Variants in PSME3IP1 observed in about 807,000 individuals in gnomAD.
PSME3IP1 encodes PSME3-interacting protein.
Under a neutral mutation model 34.1 loss-of-function variants are expected in PSME3IP1, and 13 were observed. The ratio of observed to expected loss-of-function variants is 0.38; its 90% CI spans 0.25 to 0.61. The LOEUF is 0.61. PSME3IP1 is among the 20% of genes least tolerant of loss of function. PSME3IP1 has a pLI of 0.60. For missense variants in PSME3IP1, 237 were observed against 301.4 expected (o/e 0.79, Z 1.58); for synonymous variants, 93 against 114.3 (o/e 0.81, Z 1.19).
rs2072011443 is a variant in PSME3IP1, at chr16:57,167,341, C to T, written c.349-115G>A. On this transcript the variant is annotated intron_variant, in intron 4 of 6. Coordinates refer to ENST00000309137, the MANE Select transcript of PSME3IP1 (RefSeq NM_024946.4). ...CCTACTTATTTAAATAAATGCCCCA[C>T]CCTTCTTTATTCTGCCAGTCAAATC... 2.6e-6 allele frequency: 3 copies of T among 1,166,246 alleles called. 1 individual carries two copies. In the South Asian group the frequency reaches 3.9e-5, roughly 15 times the overall value. 72.2% of individuals were successfully genotyped at this position (1,166,246 alleles called of 1,614,324 possible).
At chr16:57,175,133 G>A (rs755955297) in intron 1 of PSME3IP1, among the ~76,000 whole-genome samples, 9 of 151,182 alleles carry the variant, frequency 6.0e-5, no homozygotes, top group Admixed American at 2.0e-4. Flanking sequence ...TCCTGCCTCC[G>A]CCTCCTGACT....
At chr16:57,155,982 C>A (rs969421764) in intron 6 of PSME3IP1, among the ~76,000 whole-genome samples, 2 of 151,730 alleles carry the variant, frequency 1.3e-5, no homozygotes, top group African/African-American at 4.8e-5. Context: ...AAAACAAACA[C>A]ACAAACAAAC....
At chr16:57,168,483 A>C (rs1367878422) in intron 4 of PSME3IP1, among the ~76,000 whole-genome samples, 1 of 137,652 alleles carries the variant, frequency 7.3e-6, no homozygotes, top group Non-Finnish European at 1.6e-5. Flanking sequence ...GAAATAGATA[A>C]TGTTAATACT....
At chr16:57,155,984 C>G (rs2070477028) in intron 6 of PSME3IP1, among the ~76,000 whole-genome samples, 1 of 151,688 alleles carries the variant, frequency 6.6e-6, no homozygotes, top group African/African-American at 2.4e-5. Flanking sequence ...AACAAACACA[C>G]AAACAAACAA....
chr16:57,165,618 A>G (rs2071778378), intron 5 of PSME3IP1, among the ~76,000 whole-genome samples: 1 of 152,196 alleles, frequency 6.6e-6, no homozygotes, highest in Non-Finnish European at 1.5e-5. Context: ...CCCAGACTTC[A>G]CTTCAAACTT....
Position 57,153,105 on chromosome 16 carries a change from G to A in PSME3IP1, c.*1185C>T, listed in dbSNP as rs192701402. The A allele has an allele frequency of 6.6e-6, 1 of 152,670 alleles. No individual in the cohort carries two copies. The highest frequency in any genetic ancestry group is 6.5e-5 in the Admixed American group (1 of 15,284). The allele number at this position is 152,670 out of a possible 1,614,324, so 9.5% of individuals were successfully genotyped here. On this transcript the variant is annotated 3_prime_UTR_variant, in exon 7 of 7. Coordinates refer to ENST00000309137, the MANE Select transcript of PSME3IP1 (RefSeq NM_024946.4). ...TCTAAAGCAGGAGAGCCTACAGATT[G>A]TTGTCAAAGCTCATGTCTATCTCTG...
intron 1 of PSME3IP1, among the ~76,000 whole-genome samples, chr16:57,176,307 C>A (rs1249932872): frequency 6.6e-6 from 1 of 152,200 alleles, no homozygotes; most frequent in Non-Finnish European, 1.5e-5. Flanking sequence ...CTGTATTAAT[C>A]ATCTGGTTTC....
rs548126132 is a variant in PSME3IP1 at position 57,185,426 on chromosome 16, G to A, written c.-16+395C>T. 12 of 789,264 alleles carry A rather than the reference G, an allele frequency of 1.5e-5. No homozygotes were observed. The East Asian group carries it at 1.4e-3, about 91-fold the overall frequency. The allele number at this position is 789,264 out of a possible 1,614,324, so 48.9% of individuals were successfully genotyped here. A position where few individuals can be genotyped will look rare whatever the true frequency, so the allele number is the denominator to read the frequency against. On this transcript the variant is annotated intron_variant, in intron 1 of 6. Transcript: ENST00000309137. ...ATAAATGTGCTTCCCATCCTGCACT[G>A]CCATTCTGGGATTCAACCATTTCCA...
chr16:57,178,207 G>C (rs1350907708), intron 1 of PSME3IP1, among the ~76,000 whole-genome samples: 1 of 152,146 alleles, frequency 6.6e-6, no homozygotes, highest in Non-Finnish European at 1.5e-5. Context: ...GCTTTGCTCA[G>C]GCTGTTCCCT....
At position 57,182,508 on chromosome 16, in the gene PSME3IP1, T is replaced by C. The variant is rs1050166441; in HGVS notation, c.-16+3313A>G. 3.0e-5 allele frequency among the ~76,000 whole-genome samples: 4 copies of C among 134,410 alleles called. No individual in the cohort carries two copies. The East Asian group carries it at 6.3e-4, about 21-fold the overall frequency. 88.2% of individuals were successfully genotyped at this position (134,410 alleles called of 152,430 possible). A position where few individuals can be genotyped will look rare whatever the true frequency, so the allele number is the denominator to read the frequency against. On this transcript the variant is annotated intron_variant, in intron 1 of 6. Transcript: ENST00000309137. ...CTGGAGGACTGCTTGAGCCTAGGAG[T>C]TCAAGGCCAGCCCGGGCAACATAAG...
intron 6 of PSME3IP1, among the ~76,000 whole-genome samples, chr16:57,158,449 G>T (rs185896972): frequency 3.3e-5 from 5 of 152,210 alleles, no homozygotes; most frequent in African/African-American, 9.6e-5. Flanking sequence ...TTAGCCAGGC[G>T]TGGTGGCACA....
In PSME3IP1 at chr16:57,154,473, G is replaced by A. The variant is rs1231765126; in HGVS notation, c.582C>T (p.Ser194=). Residue 194 remains serine (S), a synonymous_variant, in exon 7 of 7, where the codon TCC becomes TCT. Coordinates refer to ENST00000309137, the MANE Select transcript of PSME3IP1 (RefSeq NM_024946.4). This position sits in a 1 kb window ranked among gnomAD's most constrained non-coding sequence, Gnocchi z 4.0. The part of the protein sequence containing the change: ...PSSCKSLGNT[S]LSGPSIHCPS... ...GGCAGTGGATGGAGGGGCCACTCAGGGAGGTGTTTCCGAGAGACTTGCAGG... is the reference window on the plus strand; with the variant it reads ...GGCAGTGGATGGAGGGGCCACTCAGAGAGGTGTTTCCGAGAGACTTGCAGG... 2 of 1,613,040 alleles carry A rather than the reference G, an allele frequency of 1.2e-6. No individual in the cohort carries two copies. Among genetic ancestry groups the A allele is most frequent in the Non-Finnish European group, 1.7e-6 (2 of 1,179,264 alleles).
At chr16:57,171,027 C>T (rs1290967778) in intron 4 of PSME3IP1, among the ~76,000 whole-genome samples, 2 of 151,862 alleles carry the variant, frequency 1.3e-5, no homozygotes, top group South Asian at 2.1e-4. Context: ...GAGACGAGAT[C>T]GCGCCACTGC....
In PSME3IP1 at chr16:57,155,805, C is replaced by CA. The variant is rs373214326; in HGVS notation, c.548-1299dup. ...TGGGCAACAGAGCAAGACACTGCCT[C>CA]AAAAAAAAACAAAAAAACTAGTCGG... On this transcript the variant is annotated intron_variant, in intron 6 of 6. Transcript: ENST00000309137. 6.4e-3 allele frequency among the ~76,000 whole-genome samples: 944 copies of CA among 148,578 alleles called. 10 individuals carry two copies. The highest frequency in any genetic ancestry group is 0.02 in the African/African-American group (820 of 40,470).
At chr16:57,175,609 G>C (rs1185737412) in intron 1 of PSME3IP1, 1 of 152,152 alleles carries the variant, frequency 6.6e-6, no homozygotes, top group African/African-American at 2.4e-5. Flanking sequence ...AATATTATCT[G>C]TTTACAGATG....
chr16:57,174,307 ACTCT>A, intron 1 of PSME3IP1: 2 of 436,288 alleles, frequency 4.6e-6, no homozygotes, highest in Non-Finnish European at 6.1e-6. Flanking sequence ...AAAAAAAAAA[ACTCT>A]CAAATAGTTT....
At chr16:57,185,465 C>T in intron 1 of PSME3IP1, 1 of 968,130 alleles carries the variant, frequency 1.0e-6, no homozygotes, top group Non-Finnish European at 1.2e-6. Context: ...AGACGCCGCA[C>T]ATCCGAGTGA....
chr16:57,172,979 A>T, intron 2 of PSME3IP1, 105 bp from the exon 3 acceptor site: 1 of 761,958 alleles, frequency 1.3e-6, no homozygotes, highest in Non-Finnish European at 2.3e-6. Flanking sequence ...AGACAAAGTC[A>T]AGTCTCTGCA....
intron 1 of PSME3IP1, chr16:57,174,513 A>G (rs950121580): frequency 1.0e-6 from 1 of 985,242 alleles, no homozygotes; most frequent in Non-Finnish European, 1.2e-6. Context: ...TGGCCTCCTG[A>G]GCATCCCATC....
Sources: allele counts gnomAD v4.1 joint callset (sites outside exome capture counted in the v4.1 genomes callset), GRCh38; gene constraint gnomAD v4.1.1; non-coding constraint Gnocchi (gnomAD v3.1); transcripts MANE v1.5; gene names NCBI Gene and HGNC (gene_info 2026-07-23, HGNC 2026-07-21).